RGS20: variants seen among roughly 807,000 people sequenced by gnomAD.
RGS20 encodes gz-selective GTPase-activating protein.
RGS20 carries 30 observed loss-of-function variants against 33.6 expected under a neutral mutation model. The observed-to-expected ratio is 0.89, with a 90% confidence interval of 0.67 to 1.21. The LOEUF (loss-of-function observed/expected upper bound fraction) is 1.21. RGS20 is among the 50% of genes most tolerant of loss of function. The probability of loss-of-function intolerance (pLI) is 0.00; values close to 1 mark genes in which losing one functional copy is unlikely to be tolerated. For synonymous variants in RGS20, 208 were observed against 197.9 expected (o/e 1.05, Z -0.43); for missense variants, 472 against 502.4 (o/e 0.94, Z 0.58).
At position 53,946,646 on chromosome 8, in the gene RGS20, GAAT is replaced by G. The variant is rs763001740; in HGVS notation, c.660-18_660-16del. Reference sequence around the variant, plus strand: ...GGCAGGGACTGAGCTGTCAACATGTGAATGTCTTTTTTTTGCAGTCTCACTGTT... The same window carrying G: ...GGCAGGGACTGAGCTGTCAACATGTGGTCTTTTTTTTGCAGTCTCACTGTT... On this transcript the variant is annotated splice_polypyrimidine_tract_variant and intron_variant, in intron 3 of 5. Coordinates refer to ENST00000297313, the MANE Select transcript of RGS20 (RefSeq NM_170587.4). 10 of 1,601,962 alleles carry G rather than the reference GAAT, an allele frequency of 6.2e-6. No individual in the cohort carries two copies. The highest frequency in any genetic ancestry group is 1.7e-5 in the Admixed American group (1 of 58,970).
At chr8:53,865,448 G>A (rs920625699) in intron 1 of RGS20, among the ~76,000 whole-genome samples, 10 of 152,184 alleles carry the variant, frequency 6.6e-5, no homozygotes, top group African/African-American at 2.2e-4. Context: ...TTACAAAAGT[G>A]TTAGACATAA....
intron 2 of RGS20, among the ~76,000 whole-genome samples, chr8:53,931,360 G>A (rs1283175566): frequency 6.6e-6 from 1 of 152,128 alleles, no homozygotes; most frequent in African/African-American, 2.4e-5. Flanking sequence ...TTTGCGACCA[G>A]CTTGGCCAAC....
At chr8:53,881,047 G>C in intron 2 of RGS20, 1 of 1,565,144 alleles carries the variant, frequency 6.4e-7, no homozygotes, top group South Asian at 1.2e-5. Context: ...GAGCCGGCCG[G>C]GGCTTCCTCC....
chr8:53,958,171 A>C (rs1814928651), intron 5 of RGS20, 99 bp from the exon 5 acceptor site: 2 of 914,942 alleles, frequency 2.2e-6, no homozygotes, highest in Admixed American at 6.7e-5. Flanking sequence ...CAAAAACAAA[A>C]AACAAAAACA....
At chr8:53,953,467 G>A (rs2129294113) in intron 4 of RGS20, among the ~76,000 whole-genome samples, 1 of 151,778 alleles carries the variant, frequency 6.6e-6, no homozygotes, top group Admixed American at 6.6e-5. Flanking sequence ...GCTTCAGTAA[G>A]CTGTGATCAC....
chr8:53,881,691 C>T (rs1812388810), intron 2 of RGS20, among the ~76,000 whole-genome samples: 1 of 152,176 alleles, frequency 6.6e-6, no homozygotes. Flanking sequence ...TATGGGCGTT[C>T]ACTCGGAGCC....
At chr8:53,872,383 CA>C (rs1275516962) in intron 1 of RGS20, among the ~76,000 whole-genome samples, 1 of 152,080 alleles carries the variant, frequency 6.6e-6, no homozygotes, top group Non-Finnish European at 1.5e-5. Flanking sequence ...CAATAAAATC[CA>C]AAATCCTTAC....
chr8:53,893,492 ACT>A (rs1350755941), intron 2 of RGS20, among the ~76,000 whole-genome samples: 4 of 151,982 alleles, frequency 2.6e-5, no homozygotes, highest in Non-Finnish European at 4.4e-5. Context: ...CTGTCATCTC[ACT>A]CTTATTATCT....
chr8:53,855,915 G>A (rs578107245), intron 1 of RGS20, among the ~76,000 whole-genome samples: 1 of 152,298 alleles, frequency 6.6e-6, no homozygotes, highest in Non-Finnish European at 1.5e-5. Flanking sequence ...TTTTAGAGAT[G>A]AGAAAACAAG....
At chr8:53,913,417 T>C (rs1813402013) in intron 2 of RGS20, 1 of 152,252 alleles carries the variant, frequency 6.6e-6, no homozygotes, top group African/African-American at 2.4e-5. Flanking sequence ...GACATTGTTA[T>C]GGGTTGAATT....
Position 53,946,652 on chromosome 8 carries a change from C to T in RGS20, c.660-13C>T. 1 of 1,600,676 alleles carries T rather than the reference C, an allele frequency of 6.2e-7. No homozygotes were observed. Among genetic ancestry groups the T allele is most frequent in the Non-Finnish European group, 8.5e-7 (1 of 1,171,250 alleles). ...GACTGAGCTGTCAACATGTGAATGT[C>T]TTTTTTTTGCAGTCTCACTGTTAGA... is the stretch of plus-strand genomic sequence containing the variant. On this transcript the variant is annotated splice_polypyrimidine_tract_variant and intron_variant, in intron 3 of 5. Coordinates refer to ENST00000297313, the MANE Select transcript of RGS20 (RefSeq NM_170587.4).
chr8:53,950,820 G>GC (rs1301393586), intron 4 of RGS20, among the ~76,000 whole-genome samples: 5 of 151,986 alleles, frequency 3.3e-5, no homozygotes, highest in Admixed American at 2.0e-4. Flanking sequence ...TCACCATGTT[G>GC]CCCAGGTTGG....
chr8:53,924,256 G>A (rs1328269617), intron 2 of RGS20, among the ~76,000 whole-genome samples: 1 of 151,768 alleles, frequency 6.6e-6, no homozygotes, highest in African/African-American at 2.4e-5. Context: ...AGTGGTGTAT[G>A]TTGGCTCACA....
At chr8:53,875,445 A>AC (rs1812181575) in intron 1 of RGS20, among the ~76,000 whole-genome samples, 1 of 147,914 alleles carries the variant, frequency 6.8e-6, no homozygotes, top group Non-Finnish European at 1.5e-5. Flanking sequence ...AAAAAAAAAA[A>AC]AAAAACCAAA....
At chr8:53,938,177 T>TA (rs1468666588) in intron 2 of RGS20, among the ~76,000 whole-genome samples, 1 of 152,174 alleles carries the variant, frequency 6.6e-6, no homozygotes, top group Admixed American at 6.5e-5. Flanking sequence ...ATGTGGCACA[T>TA]ATACACCATG....
chr8:53,941,370 T>C (rs1814293289), intron 3 of RGS20, among the ~76,000 whole-genome samples: 1 of 151,982 alleles, frequency 6.6e-6, no homozygotes, highest in Non-Finnish European at 1.5e-5. Context: ...TTCTCAGACA[T>C]ACGAAGGCCA....
At chr8:53,862,353 G>T (rs1811828225) in intron 1 of RGS20, among the ~76,000 whole-genome samples, 1 of 152,168 alleles carries the variant, frequency 6.6e-6, no homozygotes, top group African/African-American at 2.4e-5. Context: ...AGTGTAATTT[G>T]GACCATATAA....
chr8:53,922,371 ACTTT>A lies in RGS20; in HGVS notation c.511-17202_511-17199del, dbSNP rs376341425. ...CAGATATATATTTTTCCATCCTTTT[ACTTT>A]CTATCTATTTGCATTTTTGAATCTA... On this transcript the variant is annotated intron_variant, in intron 2 of 5. Transcript: ENST00000297313. Among the ~76,000 whole-genome samples, 72 of 151,972 alleles carry A rather than the reference ACTTT, an allele frequency of 4.7e-4. 1 individual carries two copies. Among genetic ancestry groups the A allele is most frequent in the African/African-American group, 1.7e-3 (70 of 41,462 alleles).
chr8:53,943,770 CTGCTTTTTCATA>C (rs1345484043), intron 3 of RGS20, among the ~76,000 whole-genome samples: 6 of 152,060 alleles, frequency 3.9e-5, no homozygotes, highest in Non-Finnish European at 8.8e-5. Context: ...CTTTTTTCCT[CTGCTTTTTCATA>C]CCCACTGAGC....
Sources: gnomAD v4.1 joint callset for allele counts (sites outside exome capture counted in the v4.1 genomes callset) on GRCh38, gnomAD v4.1.1 for gene constraint, MANE v1.5 for transcripts, NCBI Gene and HGNC (gene_info 2026-07-23, HGNC 2026-07-21) for gene names.